Variants in PCDHGB5 observed in about 807,000 individuals in gnomAD.
PCDHGB5 encodes protocadherin gamma subfamily B, 5.
A neutral mutation model predicts 62.9 loss-of-function variants in PCDHGB5; 48 were observed. The ratio of observed to expected loss-of-function variants is 0.76; its 90% CI spans 0.61 to 0.97. The LOEUF (loss-of-function observed/expected upper bound fraction) is 0.97. Ranked by LOEUF, PCDHGB5 falls within the 50% of genes least tolerant of loss-of-function variation. PCDHGB5 has a pLI of 0.00. For synonymous variants in PCDHGB5, 474 were observed against 511.2 expected (o/e 0.93, Z 0.98); for missense variants, 1,118 against 1,198.6 (o/e 0.93, Z 0.99).
chr5:141,441,883 A>T, intron 1 of PCDHGB5: 1 of 343,546 alleles, frequency 2.9e-6, no homozygotes, highest in South Asian at 2.6e-5. Context: ...CTACCTGGTC[A>T]CCAAGGTGGT....
chr5:141,464,622 CT>C (rs947370342), intron 1 of PCDHGB5, among the ~76,000 whole-genome samples: 8 of 152,058 alleles, frequency 5.3e-5, no homozygotes, highest in African/African-American at 1.9e-4. Flanking sequence ...TATTGTCAAG[CT>C]TTTTAATTGT....
At position 141,477,137 on chromosome 5, in the gene PCDHGB5, G is replaced by A; in HGVS notation, c.2398-17670G>A. 1 of 1,614,200 alleles carries A rather than the reference G, an allele frequency of 6.2e-7. No individual in the cohort carries two copies. The highest frequency in any genetic ancestry group is 8.5e-7 in the Non-Finnish European group (1 of 1,180,050). On this transcript the variant is annotated intron_variant, in intron 1 of 3. Coordinates refer to ENST00000617380, the MANE Select transcript of PCDHGB5 (RefSeq NM_018925.3). The surrounding 1 kb of genome is among the most constrained non-coding windows in gnomAD (Gnocchi z 4.9). ...AGGAGCACATTGCAAAGTGTTGGTG[G>A]AGGTTGTGGATGTGAATGACAACGC...
chr5:141,426,753 A>G (rs1360041118), intron 1 of PCDHGB5: 3 of 456,298 alleles, frequency 6.6e-6, no homozygotes, highest in East Asian at 7.0e-5. Flanking sequence ...GGAATCTGCT[A>G]TAGATGCAGA....
At position 141,399,459 on chromosome 5, in the gene PCDHGB5, C is replaced by A. The variant is rs897098728; in HGVS notation, c.1332C>A (p.Asn444Lys). 6.2e-7 allele frequency: 1 copy of A among 1,614,012 alleles called. No individual in the cohort carries two copies. The highest frequency in any genetic ancestry group is 1.3e-5 in the African/African-American group (1 of 75,066). Reference protein sequence around the residue: ...VILHIRDVNDNAPVFHQASYL... With the variant: ...VILHIRDVNDKAPVFHQASYL... ...TACATATCAGAGACGTCAACGATAA[C>A]GCTCCGGTTTTCCACCAGGCGTCCT... Residue 444 changes from asparagine (N) to lysine (K), a missense_variant, in exon 1 of 4, where the codon AAC becomes AAA. Asn to Lys is a moderately conservative substitution (Grantham distance 94, BLOSUM62 0). Coordinates refer to ENST00000617380, the MANE Select transcript of PCDHGB5 (RefSeq NM_018925.3).
At chr5:141,400,652 T>A in intron 1 of PCDHGB5, 128 bp downstream of exon 1, 1 of 1,143,230 alleles carries the variant, frequency 8.7e-7, no homozygotes, top group Non-Finnish European at 1.3e-6. Flanking sequence ...AAAGCTGTCC[T>A]ACCATTCTTT....
chr5:141,431,376 CT>C lies in PCDHGB5; in HGVS notation c.2397+30853del. The C allele has an allele frequency of 1.2e-6, 2 of 1,613,436 alleles. No individual in the cohort carries two copies. The highest frequency in any genetic ancestry group is 1.7e-6 in the Non-Finnish European group (2 of 1,179,562). On this transcript the variant is annotated intron_variant, in intron 1 of 3. Transcript: ENST00000617380. This position sits in a 1 kb window ranked among gnomAD's most constrained non-coding sequence, Gnocchi z 4.8. ...CGCGCCCTGGACCGCGAAGAAAAGG[CT>C]GCTCACCACCTGGTCCTTACGGCCT...
In PCDHGB5 at chr5:141,511,502, A is replaced by G. The variant is rs953158220; in HGVS notation, c.*329A>G. ...CTGAACTCCTCCATCTTCCAAATCAATCAGGCCCATCCATCCCATGCCTCC... is the reference window on the plus strand; with the variant it reads ...CTGAACTCCTCCATCTTCCAAATCAGTCAGGCCCATCCATCCCATGCCTCC... On this transcript the variant is annotated 3_prime_UTR_variant, in exon 4 of 4. Transcript: ENST00000617380. The G allele has an allele frequency of 1.3e-5, 5 of 395,150 alleles. No homozygotes were observed. Among genetic ancestry groups the G allele is most frequent in the African/African-American group, 1.0e-4 (5 of 48,770 alleles). The allele number at this position is 395,150 out of a possible 1,614,324, so 24.5% of individuals were successfully genotyped here.
intron 1 of PCDHGB5, chr5:141,413,669 A>C: frequency 6.2e-7 from 1 of 1,613,844 alleles, no homozygotes; most frequent in South Asian, 1.1e-5. Flanking sequence ...ATTGATCCGG[A>C]TGTGGGCGTG....
chr5:141,397,962 A>G lies in PCDHGB5; in HGVS notation c.-166A>G, dbSNP rs968992832. 2.0e-5 allele frequency: 21 copies of G among 1,036,912 alleles called. No homozygotes were observed. The highest frequency in any genetic ancestry group is 2.8e-5 in the Non-Finnish European group (20 of 726,274). 64.2% of individuals were successfully genotyped at this position (1,036,912 alleles called of 1,614,324 possible). ...GCTTTCCAGGGCAGCCCCAGCTCAG[A>G]CTCCCCAGCGCCGGCCTTTACACCG... On this transcript the variant is annotated 5_prime_UTR_variant, in exon 1 of 4. Transcript: ENST00000617380.
Position 141,415,740 on chromosome 5 carries a change from G to GTTTTTT in PCDHGB5, c.2397+15243_2397+15248dup, listed in dbSNP as rs57426385. ...TGAGTAGAATTTGATGTTTATTAAGGTTTTTTTTTTTTTTTTTTTTTTTTT... is the reference window on the plus strand; with the variant it reads ...TGAGTAGAATTTGATGTTTATTAAGGTTTTTTTTTTTTTTTTTTTTTTTTTTTTTTT... On this transcript the variant is annotated intron_variant, in intron 1 of 3. Transcript: ENST00000617380. 6.6e-4 allele frequency: 412 copies of GTTTTTT among 624,836 alleles called. 3 individuals carry two copies. The highest frequency in any genetic ancestry group is 1.2e-3 in the African/African-American group (49 of 39,912). The allele number at this position is 624,836 out of a possible 1,614,324, so 38.7% of individuals were successfully genotyped here.
Position 141,477,071 on chromosome 5 carries a change from G to T in PCDHGB5, c.2398-17736G>T. 6.2e-7 allele frequency: 1 copy of T among 1,614,226 alleles called. No individual in the cohort carries two copies. The highest frequency in any genetic ancestry group is 8.5e-7 in the Non-Finnish European group (1 of 1,180,030). ...GGACTTCGAGGACACCAAACTCCAT[G>T]AGATTTACATCCAGGCCAAAGACAA... is the stretch of plus-strand genomic sequence containing the variant. On this transcript the variant is annotated intron_variant, in intron 1 of 3. Coordinates refer to ENST00000617380, the MANE Select transcript of PCDHGB5 (RefSeq NM_018925.3). This position sits in a 1 kb window ranked among gnomAD's most constrained non-coding sequence, Gnocchi z 4.9.
intron 2 of PCDHGB5, 47 bp from the exon 3 acceptor site, chr5:141,505,346 C>G: frequency 4.3e-6 from 7 of 1,612,970 alleles, no homozygotes; most frequent in Non-Finnish European, 5.9e-6. Context: ...GGGGCATGAG[C>G]TGTGCCGGCC....
At chr5:141,415,302 G>A in intron 1 of PCDHGB5, 3 of 1,614,212 alleles carry the variant, frequency 1.9e-6, no homozygotes, top group South Asian at 2.2e-5. Context: ...GCGTCTTCCT[G>A]GCCTTCGTCA....
intron 1 of PCDHGB5, chr5:141,417,490 T>C (rs1296739869): frequency 4.7e-6 from 1 of 210,618 alleles, no homozygotes; most frequent in Non-Finnish European, 9.3e-6. Context: ...AAGGAATCAC[T>C]GAGGAAAAAG....
In PCDHGB5 at chr5:141,423,113, C is replaced by G. The variant is rs2096710947; in HGVS notation, c.2397+22589C>G. On this transcript the variant is annotated intron_variant, in intron 1 of 3. Coordinates refer to ENST00000617380, the MANE Select transcript of PCDHGB5 (RefSeq NM_018925.3). The stretch of plus-strand genomic sequence containing the variant: ...GGGGAGCACACGGGCGAGGTGCGTA[C>G]AGCGCGGGCACTGCTGGACAGAGAC... The G allele has an allele frequency of 1.9e-6, 3 of 1,613,702 alleles. No homozygotes were observed. The highest frequency in any genetic ancestry group is 2.5e-6 in the Non-Finnish European group (3 of 1,179,992).
intron 1 of PCDHGB5, chr5:141,419,328 C>T (rs2096360351): frequency 6.2e-7 from 1 of 1,613,954 alleles, no homozygotes. Context: ...GTCTCCTACT[C>T]TCTCATTGCC....
At chr5:141,438,091 C>T (rs964466012) in intron 1 of PCDHGB5, among the ~76,000 whole-genome samples, 1 of 152,098 alleles carries the variant, frequency 6.6e-6, no homozygotes, top group Admixed American at 6.6e-5. Flanking sequence ...TTACCAGTAA[C>T]AGGGCATACT....
At position 141,409,480 on chromosome 5, in the gene PCDHGB5, CAG is replaced by C. The variant is rs761811893; in HGVS notation, c.2397+8957_2397+8958del. 9 of 1,614,002 alleles carry C rather than the reference CAG, an allele frequency of 5.6e-6. No homozygotes were observed. In the Admixed American group the frequency reaches 8.3e-5, roughly 15 times the overall value. On this transcript the variant is annotated intron_variant, in intron 1 of 3. Transcript: ENST00000617380. ...ACAATGTCACCATCGTAGCCACTGA[CAG>C]GGGCAAGCCGCCTCTTTCTTCCAGT...
Position 141,411,472 on chromosome 5 carries a change from T to G in PCDHGB5, c.2397+10948T>G, listed in dbSNP as rs546914871. ...GGTAGCATTCCCCTGTGGTCCCAGC[T>G]ACTTGGGAGGCTGAGCTGGGTGGAT... On this transcript the variant is annotated intron_variant, in intron 1 of 3. Coordinates refer to ENST00000617380, the MANE Select transcript of PCDHGB5 (RefSeq NM_018925.3). 2.6e-5 allele frequency: 4 copies of G among 151,948 alleles called. 1 individual carries two copies. The South Asian group carries it at 8.3e-4, about 32-fold the overall frequency. The allele number at this position is 151,948 out of a possible 1,614,324, so 9.4% of individuals were successfully genotyped here.
Sources: allele counts gnomAD v4.1 joint callset (sites outside exome capture counted in the v4.1 genomes callset), GRCh38; gene constraint gnomAD v4.1.1; non-coding constraint Gnocchi (gnomAD v3.1); transcripts MANE v1.5; gene names NCBI Gene and HGNC (gene_info 2026-07-23, HGNC 2026-07-21).